WDR72: variants seen among roughly 807,000 people sequenced by gnomAD.
The protein encoded by WDR72 is WD repeat domain 72.
Under a neutral mutation model 124.2 loss-of-function variants are expected in WDR72, and 120 were observed. The ratio of observed to expected loss-of-function variants is 0.97; its 90% CI spans 0.83 to 1.12. The LOEUF is 1.12. Among genes scored for constraint, WDR72 ranks in the 50% most tolerant of loss-of-function variants. The pLI is 0.00. For synonymous variants in WDR72, 452 were observed against 441.7 expected (o/e 1.02, Z -0.29); for missense variants, 1,387 against 1,278.8 (o/e 1.08, Z -1.29).
At chr15:53,705,283 T>G in intron 10 of WDR72, 50 bp from the exon 11 acceptor site, 1 of 1,580,076 alleles carries the variant, frequency 6.3e-7, no homozygotes, top group Non-Finnish European at 8.6e-7. Context: ...CAGTACATCA[T>G]AGACATGGAA....
At chr15:53,536,185 G>A (rs1892750450) in intron 18 of WDR72, among the ~76,000 whole-genome samples, 1 of 150,564 alleles carries the variant, frequency 6.6e-6, no homozygotes, top group African/African-American at 2.5e-5. Context: ...AAATCAGAGA[G>A]CCACCCCCTT....
At chr15:53,651,894 C>G (rs1279692842) in intron 14 of WDR72, 1 of 152,204 alleles carries the variant, frequency 6.6e-6, no homozygotes, top group Non-Finnish European at 1.5e-5. Flanking sequence ...CTCAGGTGAT[C>G]TGCCCACCTC....
chr15:53,747,821 A>G (rs1183080097), intron 1 of WDR72, among the ~76,000 whole-genome samples: 1 of 152,206 alleles, frequency 6.6e-6, no homozygotes, highest in African/African-American at 2.4e-5. Context: ...GAACAATTCA[A>G]TTCTTTCTGG....
intron 18 of WDR72, among the ~76,000 whole-genome samples, chr15:53,578,918 AG>A (rs1316602688): frequency 2.0e-5 from 3 of 152,094 alleles, no homozygotes; most frequent in Non-Finnish European, 2.9e-5. Context: ...CATCTGGACT[AG>A]GAGAGTCTAT....
At chr15:53,653,857 A>AATT (rs1209344058) in intron 14 of WDR72, among the ~76,000 whole-genome samples, 1 of 152,088 alleles carries the variant, frequency 6.6e-6, no homozygotes, top group African/African-American at 2.4e-5. Context: ...TTGCTAAGAA[A>AATT]ATAATAGAGT....
chr15:53,704,988 C>G lies in WDR72; in HGVS notation c.1348G>C (p.Asp450His). 1 of 1,613,604 alleles carries G rather than the reference C, an allele frequency of 6.2e-7. No homozygotes were observed. Among genetic ancestry groups the G allele is most frequent in the Non-Finnish European group, 8.5e-7 (1 of 1,179,918 alleles). The change falls in exon 11 of 20, where the codon GAT becomes CAT. Residue 450 changes from aspartate to histidine, a missense_variant and splice_region_variant. By Grantham distance (81) the Asp-to-His change is moderately conservative. Transcript: ENST00000360509. ...RLLEGGSLVK[D>H]SPPHKVLKGH... ...ATAGGGTCAAATAAAATTCAAGGAC[C>G]TTTTACTAAAGAACCACCTTCCAGA...
intron 2 of WDR72, among the ~76,000 whole-genome samples, chr15:53,732,516 T>C (rs1371264267): frequency 6.6e-6 from 1 of 152,180 alleles, no homozygotes; most frequent in Non-Finnish European, 1.5e-5. Context: ...TTTAGAGCAT[T>C]TTGATGTGAT....
intron 2 of WDR72, among the ~76,000 whole-genome samples, chr15:53,730,524 C>T (rs1436694205): frequency 1.3e-5 from 2 of 152,098 alleles, no homozygotes; most frequent in African/African-American, 4.8e-5. Flanking sequence ...GACCACAGAA[C>T]CTGATGTATT....
chr15:53,652,975 T>A (rs2015293827), intron 14 of WDR72, among the ~76,000 whole-genome samples: 1 of 152,240 alleles, frequency 6.6e-6, no homozygotes, highest in South Asian at 2.1e-4. Flanking sequence ...AGGCTGCTGC[T>A]GTGTTTCAAC....
chr15:53,614,518 A>G (rs1368771702), intron 15 of WDR72, among the ~76,000 whole-genome samples: 2 of 152,112 alleles, frequency 1.3e-5, no homozygotes, highest in African/African-American at 2.4e-5. Flanking sequence ...AGAGTCAACC[A>G]ACGTGTGACA....
At chr15:53,527,976 A>G (rs545611756) in intron 18 of WDR72, among the ~76,000 whole-genome samples, 3 of 152,262 alleles carry the variant, frequency 2.0e-5, no homozygotes, top group Non-Finnish European at 2.9e-5. Context: ...ATAGCATTCT[A>G]GAAGTATGGA....
chr15:53,707,967 C>A (rs934517314), intron 9 of WDR72, among the ~76,000 whole-genome samples: 3 of 152,164 alleles, frequency 2.0e-5, no homozygotes, highest in Admixed American at 2.0e-4. Context: ...AGCACAACTC[C>A]TCCCAGCTGG....
chr15:53,574,702 G>A (rs1030259867), intron 18 of WDR72, among the ~76,000 whole-genome samples: 3 of 151,858 alleles, frequency 2.0e-5, no homozygotes, highest in African/African-American at 7.3e-5. Context: ...CTAATGCAAA[G>A]GAAATACTTC....
At chr15:53,659,465 T>C (rs1430212502) in intron 14 of WDR72, among the ~76,000 whole-genome samples, 1 of 152,122 alleles carries the variant, frequency 6.6e-6, no homozygotes, top group African/African-American at 2.4e-5. Flanking sequence ...AAGCCAGGCT[T>C]TGAAGTCCTG....
At chr15:53,705,813 T>C (rs1413209127) in intron 10 of WDR72, 114 bp downstream of exon 10, 2 of 1,243,744 alleles carry the variant, frequency 1.6e-6, no homozygotes, top group East Asian at 2.4e-5. Flanking sequence ...TACGTAGTAG[T>C]ACACAATAAA....
At chr15:53,722,980 TTCATAAC>T (rs2017921735) in intron 2 of WDR72, 72 bp from the exon 3 acceptor site, 1 of 1,364,348 alleles carries the variant, frequency 7.3e-7, no homozygotes, top group East Asian at 2.3e-5. Flanking sequence ...CAATATAGTA[TTCATAAC>T]TCTGATTAGG....
At chr15:53,571,626 C>G (rs1894528788) in intron 18 of WDR72, among the ~76,000 whole-genome samples, 1 of 152,056 alleles carries the variant, frequency 6.6e-6, no homozygotes, top group Non-Finnish European at 1.5e-5. Context: ...TTGATGGACA[C>G]TTAGGTTGAT....
rs541784141 is a variant in WDR72 at position 53,592,761 on chromosome 15, A to T, written c.3148+4318T>A. Among the ~76,000 whole-genome samples the T allele has an allele frequency of 6.6e-5, 10 of 151,216 alleles. No individual in the cohort carries two copies. In the East Asian group the frequency reaches 1.9e-3, roughly 29 times the overall value. On this transcript the variant is annotated intron_variant, in intron 18 of 19. Transcript: ENST00000360509. ...GGAACAATTTAGAGCACTTGTTTAAACTGATCCAAATAACATTCAAAATAA... is the reference window on the plus strand; with the variant it reads ...GGAACAATTTAGAGCACTTGTTTAATCTGATCCAAATAACATTCAAAATAA...
intron 1 of WDR72, among the ~76,000 whole-genome samples, chr15:53,747,559 G>A (rs1159676094): frequency 2.0e-5 from 3 of 152,184 alleles, no homozygotes; most frequent in Non-Finnish European, 4.4e-5. Context: ...CTCATGACCT[G>A]GAACACATAT....
Sources: allele counts gnomAD v4.1 joint callset (sites outside exome capture counted in the v4.1 genomes callset), GRCh38; gene constraint gnomAD v4.1.1; transcripts MANE v1.5; gene names NCBI Gene and HGNC (gene_info 2026-07-23, HGNC 2026-07-21).